AKR1C4: variants seen among roughly 807,000 people sequenced by gnomAD.
The protein encoded by AKR1C4 is aldo-keto reductase family 1 member C4, also known as 3-alpha-HSD1.
AKR1C4 carries 44 observed loss-of-function variants against 41.0 expected under a neutral mutation model. That is an observed-to-expected ratio of 1.07 (90% confidence interval 0.84 to 1.38). The LOEUF (loss-of-function observed/expected upper bound fraction) is 1.38, where lower values mean the gene tolerates loss of function less well. AKR1C4 is among the 40% of genes most tolerant of loss of function. The pLI is 0.00. For missense variants in AKR1C4, 438 were observed against 387.9 expected, an observed-to-expected ratio of 1.13 and a Z score of -1.09; for synonymous variants, 165 against 137.7, an observed-to-expected ratio of 1.20 and a Z score of -1.39.
In AKR1C4 at chr10:5,218,730, T is replaced by G. The variant is rs1385258195; in HGVS notation, c.942T>G (p.His314Gln). The change falls in exon 9 of 9, where the codon CAT becomes CAG. Residue 314 changes from histidine (H) to glutamine (Q), a missense_variant. His to Gln is a conservative substitution (Grantham distance 24, BLOSUM62 0). Transcript: ENST00000263126. Reference sequence around the variant, plus strand: ...TTTCTCTTTTCAGTCTTATGGACCATCCTGATTATCCATTTTCAGATGAAT... The same window carrying G: ...TTTCTCTTTTCAGTCTTATGGACCAGCCTGATTATCCATTTTCAGATGAAT... ...RYVVMDFLMD[H>Q]PDYPFSDEY The G allele has an allele frequency of 3.1e-6, 5 of 1,602,800 alleles. No individual in the cohort carries two copies. The Admixed American group carries it at 6.7e-5, about 21-fold the overall frequency.
At chr10:5,206,862 CT>C (rs1554797534) in intron 5 of AKR1C4, among the ~76,000 whole-genome samples, 7 of 50,740 alleles carry the variant, frequency 1.4e-4, no homozygotes, top group Non-Finnish European at 5.4e-4. Context: ...TGTCTGAATG[CT>C]TTTTCTTGTC....
intron 5 of AKR1C4, among the ~76,000 whole-genome samples, chr10:5,208,280 G>A (rs557274819): frequency 4.6e-5 from 7 of 151,674 alleles, no homozygotes; most frequent in African/African-American, 1.7e-4. Flanking sequence ...TAGAGTCAAT[G>A]AGTACAGGTC....
At chr10:5,206,545 C>A (rs150836268) in intron 5 of AKR1C4, 148 bp downstream of exon 5, 4 of 1,402,414 alleles carry the variant, frequency 2.9e-6, no homozygotes, top group East Asian at 4.7e-5. Context: ...AACGGAAGAC[C>A]CTTAATTGCA....
At position 5,202,385 on chromosome 10, in the gene AKR1C4, T is replaced by C; in HGVS notation, c.253-1992T>C. On this transcript the variant is annotated intron_variant, in intron 2 of 8. Transcript: ENST00000263126. The stretch of plus-strand genomic sequence containing the variant: ...AACCTGAGACTTTACTGAATTTGTT[T>C]GTCGGAGGAGCTTTTTGGATGAGGC... The C allele has an allele frequency of 7.3e-6, 3 of 412,662 alleles. No individual in the cohort carries two copies. The Admixed American group carries it at 8.1e-5, about 11-fold the overall frequency. 25.6% of individuals were successfully genotyped at this position (412,662 alleles called of 1,614,324 possible). A position where few individuals can be genotyped will look rare whatever the true frequency, so the allele number is the denominator to read the frequency against.
intron 5 of AKR1C4, among the ~76,000 whole-genome samples, chr10:5,207,937 G>T (rs1832514624): frequency 6.8e-6 from 1 of 146,542 alleles, no homozygotes; most frequent in African/African-American, 2.8e-5. Flanking sequence ...TGCTTGAAAT[G>T]GTCTCTTCTC....
intron 7 of AKR1C4, among the ~76,000 whole-genome samples, chr10:5,214,020 T>G (rs572512513): frequency 8.3e-6 from 1 of 120,070 alleles, no homozygotes; most frequent in East Asian, 2.4e-4. Flanking sequence ...TATGTTAATA[T>G]ATTATATAGT....
At chr10:5,197,856 A>T (rs1832334972) in intron 1 of AKR1C4, among the ~76,000 whole-genome samples, 1 of 152,188 alleles carries the variant, frequency 6.6e-6, no homozygotes, top group Admixed American at 6.5e-5. Context: ...AGAAGTAAGG[A>T]AAAGCACAAC....
chr10:5,212,868 C>A, intron 6 of AKR1C4, 126 bp from the exon 7 acceptor site: 2 of 1,398,788 alleles, frequency 1.4e-6, no homozygotes, highest in Admixed American at 2.2e-5. Context: ...CCAGGTGATG[C>A]TGCTGCTGTT....
chr10:5,216,644 T>C, intron 7 of AKR1C4, 67 bp from the exon 8 acceptor site: 1 of 1,176,880 alleles, frequency 8.5e-7, no homozygotes, highest in Non-Finnish European at 1.2e-6. Flanking sequence ...TACTGTGTGA[T>C]ATACTTGGCT....
At chr10:5,214,229 T>TAGGATGAAAA (rs1832620473) in intron 7 of AKR1C4, among the ~76,000 whole-genome samples, 2 of 152,276 alleles carry the variant, frequency 1.3e-5, no homozygotes, top group Admixed American at 6.5e-5. Context: ...TTTGCTCACT[T>TAGGATGAAAA]ATCTTGATTT....
chr10:5,218,042 T>C (rs1285211734), intron 8 of AKR1C4, among the ~76,000 whole-genome samples: 5 of 152,158 alleles, frequency 3.3e-5, no homozygotes, highest in South Asian at 2.1e-4. Context: ...AATAGTAAAA[T>C]AGAAAATCAT....
In AKR1C4 at chr10:5,212,574, GT is replaced by G. The variant is rs782382260; in HGVS notation, c.571-38del. The G allele has an allele frequency of 5.2e-6, 8 of 1,531,630 alleles. No homozygotes were observed. The African/African-American group carries it at 1.1e-4, about 21-fold the overall frequency. 94.9% of individuals were successfully genotyped at this position (1,531,630 alleles called of 1,614,324 possible). A position where few individuals can be genotyped will look rare whatever the true frequency, so the allele number is the denominator to read the frequency against. Reference sequence around the variant, plus strand: ...TTTTAATCTTTATATTAACATATCTGTTTTGAATTATCTGATGCTTTTCTCT... The same window carrying G: ...TTTTAATCTTTATATTAACATATCTGTTTGAATTATCTGATGCTTTTCTCT... On this transcript the variant is annotated intron_variant, in intron 5 of 8. Coordinates refer to ENST00000263126, the MANE Select transcript of AKR1C4 (RefSeq NM_001818.5).
chr10:5,216,647 A>G, intron 7 of AKR1C4, 64 bp from the exon 8 acceptor site: 1 of 1,225,616 alleles, frequency 8.2e-7, no homozygotes, highest in East Asian at 2.4e-5. Context: ...TGTGTGATAT[A>G]CTTGGCTATT....
chr10:5,200,072 A>G, intron 1 of AKR1C4, 109 bp from the exon 2 acceptor site: 2 of 1,413,656 alleles, frequency 1.4e-6, no homozygotes, highest in Non-Finnish European at 1.9e-6. Flanking sequence ...GGCCTGAAGA[A>G]GCGAGCCACA....
chr10:5,203,880 T>C (rs1554797179), intron 2 of AKR1C4, among the ~76,000 whole-genome samples: 1 of 152,198 alleles, frequency 6.6e-6, no homozygotes, highest in Non-Finnish European at 1.5e-5. Context: ...CAATATCTTA[T>C]TCTGAATCTC....
Position 5,208,966 on chromosome 10 carries a change from T to C in AKR1C4, c.570+2569T>C, listed in dbSNP as rs114021257. On this transcript the variant is annotated intron_variant, in intron 5 of 8. Transcript: ENST00000263126. ...TGTTGTACTTTGGTCCGTTAACTTG[T>C]TGTTCCAAGTTTTTAAAATTTAAGT... Among the ~76,000 whole-genome samples the C allele has an allele frequency of 6.4e-3, 942 of 146,832 alleles. 55 individuals are homozygous for C. The highest frequency in any genetic ancestry group is 0.023 in the African/African-American group (853 of 36,452).
intron 1 of AKR1C4, among the ~76,000 whole-genome samples, chr10:5,198,459 A>G (rs1348151740): frequency 2.6e-5 from 4 of 152,192 alleles, no homozygotes; most frequent in African/African-American, 4.8e-5. Context: ...CTTTCTTTAC[A>G]AGACCGGAAG....
chr10:5,200,398 G>A (rs1554796825), intron 2 of AKR1C4, 50 bp downstream of exon 2: 2 of 1,557,100 alleles, frequency 1.3e-6, no homozygotes, highest in Non-Finnish European at 1.7e-6. Flanking sequence ...ATGGGATTGT[G>A]TGGAGATGAC....
intron 2 of AKR1C4, among the ~76,000 whole-genome samples, chr10:5,203,636 G>A (rs1021515080): frequency 6.6e-6 from 1 of 152,194 alleles, no homozygotes; most frequent in Admixed American, 6.5e-5. Flanking sequence ...CAAAGGGTCT[G>A]TGAATTTTCA....
Sources: gnomAD v4.1 joint callset for allele counts (sites outside exome capture counted in the v4.1 genomes callset) on GRCh38, gnomAD v4.1.1 for gene constraint, MANE v1.5 for transcripts, NCBI Gene and HGNC (gene_info 2026-07-23, HGNC 2026-07-21) for gene names.